The following KDM4C variants were observed in gnomAD, a reference collection of about 807,000 sequenced individuals.
The protein encoded by KDM4C is lysine demethylase 4C.
A neutral mutation model predicts 129.3 loss-of-function variants in KDM4C; 81 were observed. The observed-to-expected ratio is 0.63, with a 90% CI of 0.52 to 0.75. The LOEUF (loss-of-function observed/expected upper bound fraction) is 0.75, where lower values mean the gene tolerates loss of function less well. KDM4C is among the 30% of genes least tolerant of loss of function. The pLI, the probability that KDM4C is intolerant of heterozygous loss-of-function variation, is 0.00. For missense variants in KDM4C, 1,457 were observed against 1,304.0 expected, an observed-to-expected ratio of 1.12 and a Z score of -1.81; for synonymous variants, 573 against 456.1, an observed-to-expected ratio of 1.26 and a Z score of -3.26.
chr9:6,849,549 G>A lies in KDM4C; in HGVS notation c.478G>A (p.Asp160Asn), dbSNP rs1248814320. The A allele has an allele frequency of 3.1e-6, 5 of 1,612,824 alleles. No individual in the cohort carries two copies. In the East Asian group the frequency reaches 1.1e-4, roughly 36 times the overall value. Residue 160 changes from aspartate to asparagine, a missense_variant, in exon 5 of 22, where the codon GAT (aspartate) becomes AAT (asparagine). Physicochemically the swap from Asp to Asn is conservative, Grantham distance 23. Transcript: ENST00000381309. ...CATAGCTCGCCTCAATACAGTCTTGGATGTGGTTGAAGAAGAGTGTGGCAT... is the reference window on the plus strand; with the variant it reads ...CATAGCTCGCCTCAATACAGTCTTGAATGTGGTTGAAGAAGAGTGTGGCAT... ...WNIARLNTVL[D>N]VVEEECGISI...
At chr9:6,944,411 T>G (rs977870974) in intron 8 of KDM4C, among the ~76,000 whole-genome samples, 3 of 152,210 alleles carry the variant, frequency 2.0e-5, no homozygotes, top group Admixed American at 6.5e-5. Flanking sequence ...TTGAGTACAT[T>G]GTTCAAAAGA....
chr9:7,004,779 T>C (rs1262662245), intron 12 of KDM4C, among the ~76,000 whole-genome samples: 2 of 152,202 alleles, frequency 1.3e-5, no homozygotes, highest in Non-Finnish European at 2.9e-5. Context: ...TCTGTCTAGA[T>C]TGGCTCTGTT....
At chr9:7,057,636 C>T (rs1316183965) in intron 17 of KDM4C, among the ~76,000 whole-genome samples, 2 of 152,196 alleles carry the variant, frequency 1.3e-5, no homozygotes, top group African/African-American at 2.4e-5. Flanking sequence ...GATTTTTCCC[C>T]CTTTATTTTT....
At chr9:7,139,327 T>TCCC (rs1841516175) in intron 19 of KDM4C, among the ~76,000 whole-genome samples, 1 of 152,236 alleles carries the variant, frequency 6.6e-6, no homozygotes, top group African/African-American at 2.4e-5. Flanking sequence ...TTATGTGTTA[T>TCCC]ATTATCATTC....
rs192445510 is a variant in KDM4C at position 7,012,494 on chromosome 9, C to T, written c.1968+615C>T. 2.4e-4 allele frequency among the ~76,000 whole-genome samples: 37 copies of T among 152,072 alleles called. No individual in the cohort carries two copies. In the East Asian group the frequency reaches 4.6e-3, roughly 19 times the overall value. On this transcript the variant is annotated intron_variant, in intron 13 of 21. Transcript: ENST00000381309. The stretch of plus-strand genomic sequence containing the variant: ...ATCTCTGTTTTTTTTTGTTTGAAAA[C>T]GTCATTCTCAAATAATAGAAATGTC...
At chr9:7,144,324 C>T (rs184696869) in intron 19 of KDM4C, among the ~76,000 whole-genome samples, 1 of 152,264 alleles carries the variant, frequency 6.6e-6, no homozygotes, top group East Asian at 1.9e-4. Flanking sequence ...AAATCATATT[C>T]TTACAGGTTC....
intron 17 of KDM4C, among the ~76,000 whole-genome samples, chr9:7,080,332 T>G (rs995301115): frequency 1.7e-4 from 26 of 152,234 alleles, no homozygotes; most frequent in African/African-American, 6.3e-4. Flanking sequence ...CAGCACTTTG[T>G]CAGCCTAGGC....
chr9:6,843,126 A>G (rs1270822736), intron 4 of KDM4C, among the ~76,000 whole-genome samples: 1 of 151,932 alleles, frequency 6.6e-6, no homozygotes, highest in Admixed American at 6.5e-5. Flanking sequence ...ATGGGGTTTC[A>G]CCATATTGGC....
chr9:6,857,416 G>T (rs1840059088), intron 5 of KDM4C, among the ~76,000 whole-genome samples: 1 of 152,208 alleles, frequency 6.6e-6, no homozygotes, highest in South Asian at 2.1e-4. Flanking sequence ...AGAGAATACA[G>T]TGCTAACTGG....
At chr9:6,855,245 G>C (rs980141218) in intron 5 of KDM4C, among the ~76,000 whole-genome samples, 6 of 152,058 alleles carry the variant, frequency 3.9e-5, no homozygotes, top group African/African-American at 1.4e-4. Flanking sequence ...CAGATCACGA[G>C]GTCAGGAGTT....
chr9:7,001,301 TG>T lies in KDM4C; in HGVS notation c.1787-10395del, dbSNP rs1346467172. 2.6e-5 allele frequency among the ~76,000 whole-genome samples: 4 copies of T among 152,360 alleles called. No homozygotes were observed. In the East Asian group the frequency reaches 5.8e-4, roughly 22 times the overall value. ...AACTAGAAACTTAAGGAGGAATGATTGGCTATGATATGTATATGTGTTTGAG... is the reference window on the plus strand; with the variant it reads ...AACTAGAAACTTAAGGAGGAATGATTGCTATGATATGTATATGTGTTTGAG... On this transcript the variant is annotated intron_variant, in intron 12 of 21. Transcript: ENST00000381309.
intron 8 of KDM4C, among the ~76,000 whole-genome samples, chr9:6,916,178 G>T (rs1820274866): frequency 6.6e-6 from 1 of 152,116 alleles, no homozygotes; most frequent in East Asian, 1.9e-4. Flanking sequence ...GAGGTGTAGT[G>T]TGTTTAGAAG....
At chr9:6,788,929 G>A (rs1398476526) in intron 1 of KDM4C, among the ~76,000 whole-genome samples, 2 of 152,188 alleles carry the variant, frequency 1.3e-5, no homozygotes, top group Admixed American at 6.5e-5. Context: ...AACACAGAAA[G>A]CTTTGCTTGT....
chr9:6,773,414 T>C (rs920984426), intron 1 of KDM4C, among the ~76,000 whole-genome samples: 1 of 152,174 alleles, frequency 6.6e-6, no homozygotes, highest in African/African-American at 2.4e-5. Context: ...TATTTAAAAG[T>C]TAAAGGTATT....
chr9:6,982,072 A>G (rs915337097), intron 9 of KDM4C: 6 of 151,912 alleles, frequency 3.9e-5, no homozygotes, highest in African/African-American at 1.5e-4. Flanking sequence ...TGTTTTTTTC[A>G]TGTAACTGAT....
At position 6,758,124 on chromosome 9, in the gene KDM4C, C is replaced by G. The variant is rs1818616650; in HGVS notation, c.-97C>G. ...GTGCGGAACAAGTCTCCCAAATTTC[C>G]CAAATCTCCCTGGGCCGGAGGCCAC... On this transcript the variant is annotated 5_prime_UTR_variant, in exon 1 of 22. Transcript: ENST00000381309. This position sits in a 1 kb window ranked among gnomAD's most constrained non-coding sequence, Gnocchi z 4.6. 2.0e-6 allele frequency: 2 copies of G among 985,624 alleles called. No individual in the cohort carries two copies. Among genetic ancestry groups the G allele is most frequent in the East Asian group, 2.3e-4 (2 of 8,796 alleles). The allele number at this position is 985,624 out of a possible 1,614,324, so 61.1% of individuals were successfully genotyped here.
chr9:6,927,093 A>T (rs72701475), intron 8 of KDM4C, among the ~76,000 whole-genome samples: 9,986 of 54,984 alleles, frequency 0.18, 430 homozygotes, highest in Non-Finnish European at 0.27. Flanking sequence ...AAAATTTTCT[A>T]TCTATCTATC....
chr9:6,992,450 G>GT (rs1818927353), intron 12 of KDM4C, among the ~76,000 whole-genome samples: 1 of 152,298 alleles, frequency 6.6e-6, no homozygotes, highest in Admixed American at 6.5e-5. Flanking sequence ...TTTCTAATAT[G>GT]TTAAGGACCC....
intron 19 of KDM4C, among the ~76,000 whole-genome samples, chr9:7,145,035 C>A (rs946069160): frequency 3.9e-5 from 6 of 152,176 alleles, no homozygotes; most frequent in African/African-American, 1.4e-4. Flanking sequence ...CATCACCTGG[C>A]TGATTGAGTT....
Sources: gnomAD v4.1 joint callset for allele counts (sites outside exome capture counted in the v4.1 genomes callset) on GRCh38, gnomAD v4.1.1 for gene constraint, Gnocchi (gnomAD v3.1) non-coding constraint, MANE v1.5 for transcripts, NCBI Gene and HGNC (gene_info 2026-07-23, HGNC 2026-07-21) for gene names.